The following GABRG3 variants were observed in gnomAD, a reference collection of about 807,000 sequenced individuals.
The protein encoded by GABRG3 is gamma-aminobutyric acid receptor subunit gamma-3.
In GABRG3, 25 loss-of-function variants were observed where a neutral mutation model predicts 48.8. That is an observed-to-expected ratio of 0.51 (90% CI 0.37 to 0.72). GABRG3 has a LOEUF of 0.72. Among genes scored for constraint, GABRG3 ranks in the 30% least tolerant of loss-of-function variants. The pLI, the probability that GABRG3 is intolerant of heterozygous loss-of-function variation, is 0.00. For missense variants in GABRG3, 394 were observed against 577.9 expected, an observed-to-expected ratio of 0.68 and a Z score of 3.26; for synonymous variants, 227 against 217.6, an observed-to-expected ratio of 1.04 and a Z score of -0.38.
Position 27,535,217 on chromosome 15 carries a change from C to A in GABRG3, c.*2336C>A, listed in dbSNP as rs532221719. The stretch of plus-strand genomic sequence containing the variant: ...TTTCTAACAAGCTGAAGAACTGCAA[C>A]CTGCTACATTGTAAACGAAGTTCTG... On this transcript the variant is annotated 3_prime_UTR_variant, in exon 10 of 10. Coordinates refer to ENST00000615808, the MANE Select transcript of GABRG3 (RefSeq NM_033223.5). 1 of 152,132 alleles carries A rather than the reference C, an allele frequency of 6.6e-6. No homozygotes were observed. The highest frequency in any genetic ancestry group is 1.5e-5 in the Non-Finnish European group (1 of 68,042). 9.4% of individuals were successfully genotyped at this position (152,132 alleles called of 1,614,324 possible).
chr15:27,144,143 G>T (rs1197007970), intron 3 of GABRG3, among the ~76,000 whole-genome samples: 3 of 152,116 alleles, frequency 2.0e-5, no homozygotes, highest in Non-Finnish European at 4.4e-5. Context: ...TCAAAAATAT[G>T]CAATTAACTA....
intron 5 of GABRG3, among the ~76,000 whole-genome samples, chr15:27,395,621 G>T (rs1445384098): frequency 6.6e-6 from 1 of 152,128 alleles, no homozygotes; most frequent in Non-Finnish European, 1.5e-5. Context: ...AAGAGTTCAA[G>T]AGAAGAGATA....
rs1555370007 is a variant in GABRG3 at position 27,307,366 on chromosome 15, T to TAGGTTTATATATGTTTATATATAACC, written c.271-19442_271-19441insGGTTTATATATGTTTATATATAACCA. Among the ~76,000 whole-genome samples the TAGGTTTATATATGTTTATATATAACC allele has an allele frequency of 7.0e-4, 14 of 19,920 alleles. 4 individuals carry two copies. The highest frequency in any genetic ancestry group is 1.9e-3 in the African/African-American group (8 of 4,174). The allele number at this position is 19,920 out of a possible 152,430, so 13.1% of individuals were successfully genotyped here. A position where few individuals can be genotyped will look rare whatever the true frequency, so the allele number is the denominator to read the frequency against. On this transcript the variant is annotated intron_variant, in intron 3 of 9. Transcript: ENST00000615808. ...GTTTATATATGTTTATATATAACCA[T>TAGGTTTATATATGTTTATATATAACC]ATAGGTTTATATATTTATATATAAC...
At chr15:27,380,787 AGC>A (rs1355041206) in intron 5 of GABRG3, among the ~76,000 whole-genome samples, 4 of 136,976 alleles carry the variant, frequency 2.9e-5, no homozygotes, top group South Asian at 2.4e-4. Flanking sequence ...TTTTTGAGAC[AGC>A]GAGTCTCACT....
At chr15:27,001,989 T>G (rs1284204664) in intron 2 of GABRG3, among the ~76,000 whole-genome samples, 5 of 151,612 alleles carry the variant, frequency 3.3e-5, no homozygotes, top group African/African-American at 1.2e-4. Context: ...AACTACTGTA[T>G]GTGTGGTTAT....
intron 3 of GABRG3, among the ~76,000 whole-genome samples, chr15:27,100,659 A>C: frequency 6.6e-6 from 1 of 152,232 alleles, no homozygotes; most frequent in East Asian, 1.9e-4. Context: ...CAGGTATAGA[A>C]GGTTGATTCA....
At chr15:27,141,313 C>G (rs1363590748) in intron 3 of GABRG3, among the ~76,000 whole-genome samples, 1 of 152,090 alleles carries the variant, frequency 6.6e-6, no homozygotes, top group East Asian at 1.9e-4. Flanking sequence ...AGACTAGATC[C>G]TAGGTTAAGC....
At chr15:27,032,844 C>T (rs1194760322) in intron 3 of GABRG3, among the ~76,000 whole-genome samples, 3 of 152,158 alleles carry the variant, frequency 2.0e-5, no homozygotes, top group Non-Finnish European at 4.4e-5. Context: ...TTTCCCTTGC[C>T]TCTCTGTAGG....
chr15:27,021,487 T>G (rs1255590068), intron 2 of GABRG3, among the ~76,000 whole-genome samples: 1 of 152,156 alleles, frequency 6.6e-6, no homozygotes, highest in Non-Finnish European at 1.5e-5. Context: ...ATACATCTTT[T>G]CTTCTCCACT....
intron 3 of GABRG3, among the ~76,000 whole-genome samples, chr15:27,038,936 G>A (rs1363690644): frequency 4.6e-5 from 7 of 152,208 alleles, no homozygotes; most frequent in Non-Finnish European, 8.8e-5. Context: ...CATGAGCAAG[G>A]TGGCGCCTTA....
At chr15:27,511,374 G>A (rs1362180814) in intron 6 of GABRG3, among the ~76,000 whole-genome samples, 1 of 152,200 alleles carries the variant, frequency 6.6e-6, no homozygotes. Context: ...GATAGCGAAA[G>A]GGAGGTGTTG....
At chr15:27,141,831 C>T (rs115215595) in intron 3 of GABRG3, among the ~76,000 whole-genome samples, 3,730 of 152,236 alleles carry the variant, frequency 0.025, 178 homozygotes, top group African/African-American at 0.086. Flanking sequence ...CTTTTGGGGA[C>T]GTGTTTTTGA....
chr15:27,225,288 G>A (rs1447102837), intron 3 of GABRG3, among the ~76,000 whole-genome samples: 3 of 151,902 alleles, frequency 2.0e-5, no homozygotes, highest in African/African-American at 4.8e-5. Flanking sequence ...AGTTGCCTTC[G>A]CTTCCCAGAC....
intron 5 of GABRG3, among the ~76,000 whole-genome samples, chr15:27,478,854 A>C (rs1040879054): frequency 3.2e-4 from 48 of 152,238 alleles, no homozygotes; most frequent in African/African-American, 1.2e-3. Flanking sequence ...GATAGGAGTG[A>C]ATTTTGAACA....
intron 2 of GABRG3, among the ~76,000 whole-genome samples, chr15:26,987,065 G>A (rs1031095019): frequency 1.3e-5 from 2 of 152,204 alleles, no homozygotes; most frequent in African/African-American, 2.4e-5. Flanking sequence ...AGACCATCCT[G>A]GCTAACATGG....
chr15:27,025,253 A>C (rs1404248877), intron 2 of GABRG3, among the ~76,000 whole-genome samples: 3 of 152,168 alleles, frequency 2.0e-5, no homozygotes, highest in Non-Finnish European at 4.4e-5. Flanking sequence ...CCAAAGTCTA[A>C]TAAGTTGTAT....
intron 2 of GABRG3, among the ~76,000 whole-genome samples, chr15:27,019,366 A>G (rs929415173): frequency 2.6e-5 from 4 of 151,986 alleles, no homozygotes; most frequent in Non-Finnish European, 4.4e-5. Flanking sequence ...CACCGCGCCC[A>G]GCCTAGAGTC....
At chr15:27,442,838 T>C (rs1888831508) in intron 5 of GABRG3, among the ~76,000 whole-genome samples, 1 of 152,244 alleles carries the variant, frequency 6.6e-6, no homozygotes, top group Admixed American at 6.5e-5. Flanking sequence ...TACAATCATT[T>C]TCTTCCAAGG....
At chr15:27,325,412 A>G (rs575171489) in intron 3 of GABRG3, among the ~76,000 whole-genome samples, 219 of 152,280 alleles carry the variant, frequency 1.4e-3, no homozygotes, top group Non-Finnish European at 1.6e-3. Flanking sequence ...AGGCTTCTGG[A>G]AAAGCTCGCT....
Sources: gnomAD v4.1 joint callset for allele counts (sites outside exome capture counted in the v4.1 genomes callset) on GRCh38, gnomAD v4.1.1 for gene constraint, MANE v1.5 for transcripts, NCBI Gene and HGNC (gene_info 2026-07-23, HGNC 2026-07-21) for gene names.